The following NFATC3 variants were observed in gnomAD, a reference collection of about 807,000 sequenced individuals.
The protein encoded by NFATC3 is nuclear factor of activated T-cells, cytoplasmic 3.
In NFATC3, 46 loss-of-function variants were observed where a neutral mutation model predicts 98.6. The observed-to-expected ratio is 0.47, with a 90% CI of 0.37 to 0.60. The LOEUF (loss-of-function observed/expected upper bound fraction) is 0.60. NFATC3 is among the 20% of genes least tolerant of loss of function. The pLI is 0.00. For synonymous variants in NFATC3, 512 were observed against 472.2 expected (o/e 1.08, Z -1.09); for missense variants, 1,256 against 1,295.5 (o/e 0.97, Z 0.47).
intron 1 of NFATC3, among the ~76,000 whole-genome samples, chr16:68,089,710 A>G (rs1456103498): frequency 1.3e-5 from 2 of 152,198 alleles, no homozygotes; most frequent in African/African-American, 4.8e-5. Flanking sequence ...GTATTCCATT[A>G]ACATTGTTTG....
intron 9 of NFATC3, among the ~76,000 whole-genome samples, chr16:68,201,519 C>T (rs2040914185): frequency 1.3e-5 from 2 of 151,506 alleles, no homozygotes; most frequent in Non-Finnish European, 2.9e-5. Context: ...GATCTGCCCT[C>T]CTTGGCCTCC....
chr16:68,141,740 T>G (rs1159846113), intron 3 of NFATC3, among the ~76,000 whole-genome samples: 1 of 152,244 alleles, frequency 6.6e-6, no homozygotes, highest in Non-Finnish European at 1.5e-5. Flanking sequence ...TTTGCTAATA[T>G]TTTCTCCCAT....
intron 1 of NFATC3, among the ~76,000 whole-genome samples, chr16:68,103,233 C>T (rs903833161): frequency 2.0e-5 from 3 of 150,820 alleles, no homozygotes; most frequent in East Asian, 3.9e-4. Flanking sequence ...GACAAGGTCT[C>T]ACTCTGTTGC....
intron 3 of NFATC3, among the ~76,000 whole-genome samples, chr16:68,130,393 CTGA>C (rs1206543166): frequency 6.6e-6 from 1 of 152,124 alleles, no homozygotes; most frequent in Non-Finnish European, 1.5e-5. Flanking sequence ...TTGCATTTCC[CTGA>C]TGATTAGTGA....
intron 2 of NFATC3, 102 bp from the exon 3 acceptor site, chr16:68,126,346 A>G (rs889416424): frequency 1.1e-5 from 12 of 1,108,280 alleles, no homozygotes; most frequent in African/African-American, 3.1e-5. Flanking sequence ...CATTGTTTCA[A>G]AGATCAAAGG....
chr16:68,216,562 C>T (rs150511949), intron 9 of NFATC3, among the ~76,000 whole-genome samples: 285 of 151,284 alleles, frequency 1.9e-3, no homozygotes, highest in African/African-American at 6.4e-3. Context: ...GAGACAGTCT[C>T]GCTCTGTTGC....
intron 4 of NFATC3, among the ~76,000 whole-genome samples, chr16:68,160,007 G>A (rs2038813817): frequency 6.6e-6 from 1 of 151,908 alleles, no homozygotes; most frequent in Non-Finnish European, 1.5e-5. Context: ...GAACCCCAGA[G>A]GTGGAGGCTG....
chr16:68,086,957 T>C (rs1313231431), intron 1 of NFATC3, among the ~76,000 whole-genome samples: 2 of 152,138 alleles, frequency 1.3e-5, no homozygotes, highest in East Asian at 3.9e-4. Flanking sequence ...GACCCTGTAG[T>C]GTTATGATGA....
intron 1 of NFATC3, among the ~76,000 whole-genome samples, chr16:68,093,943 A>G (rs1436499407): frequency 6.6e-6 from 1 of 152,146 alleles, no homozygotes; most frequent in Non-Finnish European, 1.5e-5. Flanking sequence ...TACAAATTAC[A>G]TGTGTTCCTG....
intron 9 of NFATC3, chr16:68,217,959 T>G: frequency 8.2e-7 from 1 of 1,217,086 alleles, no homozygotes; most frequent in Non-Finnish European, 1.0e-6. Flanking sequence ...GAAGAATGAA[T>G]TAAGATAATT....
At chr16:68,134,457 T>C (rs1271295692) in intron 3 of NFATC3, among the ~76,000 whole-genome samples, 4 of 152,114 alleles carry the variant, frequency 2.6e-5, no homozygotes, top group Non-Finnish European at 5.9e-5. Context: ...CCTCCCAAAA[T>C]GCTGGAATTA....
intron 3 of NFATC3, among the ~76,000 whole-genome samples, chr16:68,151,099 A>G (rs1418306117): frequency 6.6e-6 from 1 of 152,144 alleles, no homozygotes; most frequent in African/African-American, 2.4e-5. Flanking sequence ...TCACACCTGT[A>G]ATCACAGCTA....
At chr16:68,207,659 TCACCA>T (rs1404946989) in intron 9 of NFATC3, among the ~76,000 whole-genome samples, 1 of 152,086 alleles carries the variant, frequency 6.6e-6, no homozygotes, top group Non-Finnish European at 1.5e-5. Flanking sequence ...AAACGGGGTT[TCACCA>T]TGTTGGCCAC....
At chr16:68,160,088 A>AT in intron 4 of NFATC3, among the ~76,000 whole-genome samples, 1 of 152,020 alleles carries the variant, frequency 6.6e-6, no homozygotes. Flanking sequence ...AACCCCAAAA[A>AT]ATCAGATTTC....
chr16:68,163,418 T>C (rs1197974980), intron 4 of NFATC3, among the ~76,000 whole-genome samples: 2 of 147,052 alleles, frequency 1.4e-5, no homozygotes, highest in Non-Finnish European at 3.0e-5. Context: ...GCAGAGGGGC[T>C]TCTCACTTCC....
chr16:68,098,748 G>T (rs1308069716), intron 1 of NFATC3, among the ~76,000 whole-genome samples: 1 of 152,144 alleles, frequency 6.6e-6, no homozygotes, highest in African/African-American at 2.4e-5. Context: ...GGTGTGTAGT[G>T]TTATCTTCTG....
chr16:68,209,522 G>T (rs2041287073), intron 9 of NFATC3: 3 of 252,420 alleles, frequency 1.2e-5, no homozygotes, highest in South Asian at 4.2e-5. Flanking sequence ...TTTACAAGAG[G>T]TGTTGAAGAC....
chr16:68,154,042 AAGTAGCT>A (rs1344521571), intron 3 of NFATC3, among the ~76,000 whole-genome samples: 3 of 152,092 alleles, frequency 2.0e-5, no homozygotes, highest in African/African-American at 4.8e-5. Context: ...TCAGCCTTCT[AAGTAGCT>A]AGGACTACAG....
chr16:68,168,295 C>T (rs1485661077), intron 5 of NFATC3, among the ~76,000 whole-genome samples: 5 of 150,982 alleles, frequency 3.3e-5, no homozygotes, highest in African/African-American at 7.3e-5. Context: ...CCTGAGTAGC[C>T]GGGGCTACAG....
Sources: allele counts gnomAD v4.1 joint callset (sites outside exome capture counted in the v4.1 genomes callset), GRCh38; gene constraint gnomAD v4.1.1; transcripts MANE v1.5; gene names NCBI Gene and HGNC (gene_info 2026-07-23, HGNC 2026-07-21).